Variants in MSRB3 observed in about 807,000 individuals in gnomAD.
MSRB3 encodes the protein methionine-R-sulfoxide reductase B3.
Under a neutral mutation model 21.0 loss-of-function variants are expected in MSRB3, and 13 were observed. That is an observed-to-expected ratio of 0.62 (90% CI 0.40 to 0.98). The LOEUF (loss-of-function observed/expected upper bound fraction) is 0.98. Ranked by LOEUF, MSRB3 falls within the 50% of genes least tolerant of loss-of-function variation. The pLI is 0.00. For synonymous variants in MSRB3, 87 were observed against 88.6 expected, an observed-to-expected ratio of 0.98 and a Z score of 0.10; for missense variants, 199 against 230.3, an observed-to-expected ratio of 0.86 and a Z score of 0.88.
intron 5 of MSRB3, among the ~76,000 whole-genome samples, chr12:65,425,111 CCTT>C (rs1202376354): frequency 6.4e-5 from 1 of 15,644 alleles, no homozygotes; most frequent in African/African-American, 2.3e-4. Context: ...TATATAATGG[CCTT>C]CTTTGTCTCA....
chr12:65,321,312 T>G (rs1056643426), intron 2 of MSRB3, among the ~76,000 whole-genome samples: 2 of 152,132 alleles, frequency 1.3e-5, no homozygotes, highest in African/African-American at 4.8e-5. Context: ...AGGTACTCAA[T>G]AAATAATTAT....
At chr12:65,332,393 G>C (rs1487668631) in intron 4 of MSRB3, among the ~76,000 whole-genome samples, 6 of 152,130 alleles carry the variant, frequency 3.9e-5, no homozygotes, top group South Asian at 2.1e-4. Context: ...TAGAGGAACC[G>C]TATGAGAAAT....
intron 2 of MSRB3, among the ~76,000 whole-genome samples, chr12:65,320,961 G>A (rs373512333): frequency 2.6e-5 from 4 of 152,238 alleles, no homozygotes; most frequent in South Asian, 2.1e-4. Flanking sequence ...CCTGCCATGT[G>A]TTCGGAAAGC....
At chr12:65,341,554 A>T (rs575514058) in intron 4 of MSRB3, among the ~76,000 whole-genome samples, 107 of 152,154 alleles carry the variant, frequency 7.0e-4, no homozygotes, top group African/African-American at 2.4e-3. Context: ...TAAAAAAAAA[A>T]AACTAAAAGA....
At chr12:65,295,724 A>G (rs191131390) in intron 1 of MSRB3, among the ~76,000 whole-genome samples, 2 of 152,346 alleles carry the variant, frequency 1.3e-5, no homozygotes, top group Admixed American at 6.5e-5. Flanking sequence ...AAATTCCTAT[A>G]TAGAATAACC....
intron 5 of MSRB3, among the ~76,000 whole-genome samples, chr12:65,437,306 C>T (rs1280745037): frequency 6.6e-6 from 1 of 151,842 alleles, no homozygotes; most frequent in East Asian, 1.9e-4. Flanking sequence ...TGTACTCAGC[C>T]TTCTTGCTCC....
chr12:65,308,434 C>G, intron 1 of MSRB3, 95 bp from the exon 2 acceptor site: 1 of 1,490,802 alleles, frequency 6.7e-7, no homozygotes, highest in Non-Finnish European at 9.1e-7. Flanking sequence ...GTGTTCAGTT[C>G]CAGATAAAAC....
chr12:65,348,572 G>T (rs907061280), intron 4 of MSRB3, among the ~76,000 whole-genome samples: 1 of 151,888 alleles, frequency 6.6e-6, no homozygotes, highest in East Asian at 1.9e-4. Context: ...AGGGTTTTTT[G>T]TGTCTCTATT....
intron 5 of MSRB3, among the ~76,000 whole-genome samples, chr12:65,423,198 G>A (rs975972614): frequency 2.0e-5 from 3 of 152,094 alleles, no homozygotes; most frequent in Non-Finnish European, 2.9e-5. Context: ...CTGACCTCAG[G>A]TGATCTGCCT....
chr12:65,402,306 A>G (rs898826434), intron 5 of MSRB3, among the ~76,000 whole-genome samples: 1 of 152,092 alleles, frequency 6.6e-6, no homozygotes, highest in Non-Finnish European at 1.5e-5. Context: ...GGCTTTGATC[A>G]TTCCTTTTCA....
chr12:65,309,404 G>A (rs1370941), intron 2 of MSRB3, among the ~76,000 whole-genome samples: 63,842 of 151,956 alleles, frequency 0.42, 14,743 homozygotes, highest in African/African-American at 0.61. Flanking sequence ...ACTACATTGT[G>A]TAAGGAATTT....
At chr12:65,325,320 A>G (rs955514121) in intron 2 of MSRB3, among the ~76,000 whole-genome samples, 3 of 152,232 alleles carry the variant, frequency 2.0e-5, no homozygotes, top group Non-Finnish European at 2.9e-5. Flanking sequence ...TCAACATGCC[A>G]TTAGTGACAT....
chr12:65,324,273 G>C (rs1874873644), intron 2 of MSRB3, among the ~76,000 whole-genome samples: 1 of 152,116 alleles, frequency 6.6e-6, no homozygotes, highest in Non-Finnish European at 1.5e-5. Flanking sequence ...TGCTTTAGTG[G>C]TTCTTGAAAG....
intron 6 of MSRB3, among the ~76,000 whole-genome samples, chr12:65,461,974 C>T (rs1364463257): frequency 6.6e-6 from 1 of 152,288 alleles, no homozygotes. Flanking sequence ...GCATTGCTTT[C>T]TACCTTCCAT....
At position 65,392,085 on chromosome 12, in the gene MSRB3, A is replaced by G. The variant is rs1229452735; in HGVS notation, c.292+23059A>G. 2.0e-5 allele frequency among the ~76,000 whole-genome samples: 3 copies of G among 152,326 alleles called. No homozygotes were observed. The East Asian group carries it at 5.8e-4, about 29-fold the overall frequency. On this transcript the variant is annotated intron_variant, in intron 5 of 6. Coordinates refer to ENST00000308259, the MANE Select transcript of MSRB3 (RefSeq NM_001031679.3). ...TACCAGGTCAAATTGCATTTAGAAC[A>G]GATTTTCTGAATCTTAGCCACACAT...
chr12:65,419,346 T>C, intron 5 of MSRB3: 2 of 758,018 alleles, frequency 2.6e-6, no homozygotes. Flanking sequence ...CAATCTGGGC[T>C]TGTAGGCCTT....
chr12:65,319,174 A>G (rs934336054), intron 2 of MSRB3, among the ~76,000 whole-genome samples: 5 of 152,160 alleles, frequency 3.3e-5, no homozygotes, highest in Admixed American at 6.5e-5. Flanking sequence ...CCTTAATTTT[A>G]AAACTGCCTT....
intron 5 of MSRB3, among the ~76,000 whole-genome samples, chr12:65,413,508 G>A (rs1286928764): frequency 1.3e-5 from 2 of 152,098 alleles, no homozygotes; most frequent in African/African-American, 4.8e-5. Flanking sequence ...TCTCGTTCCT[G>A]TTTTAGCTTA....
At chr12:65,330,776 C>T (rs947407644) in intron 4 of MSRB3, among the ~76,000 whole-genome samples, 2 of 152,098 alleles carry the variant, frequency 1.3e-5, no homozygotes, top group Non-Finnish European at 2.9e-5. Context: ...ATAGTGAAAT[C>T]GTATTTCACC....
Sources: gnomAD v4.1 joint callset for allele counts (sites outside exome capture counted in the v4.1 genomes callset) on GRCh38, gnomAD v4.1.1 for gene constraint, MANE v1.5 for transcripts, NCBI Gene and HGNC (gene_info 2026-07-23, HGNC 2026-07-21) for gene names.